Variants in PALM2AKAP2 observed in about 807,000 individuals in gnomAD.
PALM2AKAP2 encodes the protein PALM2-AKAP2 fusion protein.
PALM2AKAP2 carries 37 observed loss-of-function variants against 71.5 expected under a neutral mutation model. The ratio of observed to expected loss-of-function variants is 0.52; its 90% CI spans 0.40 to 0.68. The LOEUF is 0.68. Among genes scored for constraint, PALM2AKAP2 ranks in the 30% least tolerant of loss-of-function variants. The probability of loss-of-function intolerance (pLI) is 0.00; values close to 1 mark genes in which losing one functional copy is unlikely to be tolerated. For synonymous variants in PALM2AKAP2, 468 were observed against 478.8 expected, an observed-to-expected ratio of 0.98 and a Z score of 0.29; for missense variants, 1,224 against 1,191.8, an observed-to-expected ratio of 1.03 and a Z score of -0.40.
chr9:109,943,522 C>G (rs1831427801), intron 6 of PALM2AKAP2: 1 of 1,460,352 alleles, frequency 6.8e-7, no homozygotes, highest in African/African-American at 1.4e-5. Flanking sequence ...GAACTGGAAG[C>G]AAACACCTGC....
intron 6 of PALM2AKAP2, among the ~76,000 whole-genome samples, chr9:109,950,986 A>G (rs1330384024): frequency 6.6e-6 from 1 of 152,248 alleles, no homozygotes; most frequent in Non-Finnish European, 1.5e-5. Context: ...ACTATTCTGT[A>G]TGTAGCTCCA....
intron 1 of PALM2AKAP2, among the ~76,000 whole-genome samples, chr9:109,671,065 TA>T (rs1191815879): frequency 1.4e-4 from 22 of 152,298 alleles, no homozygotes; most frequent in African/African-American, 5.1e-4. Flanking sequence ...TCTGATTCTT[TA>T]GGTTGTCTGT....
intron 1 of PALM2AKAP2, among the ~76,000 whole-genome samples, chr9:109,754,841 T>C (rs550924054): frequency 1.3e-5 from 2 of 152,226 alleles, no homozygotes; most frequent in Non-Finnish European, 2.9e-5. Context: ...ACCATTACAT[T>C]AGGGATTAGG....
At chr9:110,146,499 ACT>A (rs1297420581) in intron 2 of PALM2AKAP2, among the ~76,000 whole-genome samples, 1 of 152,182 alleles carries the variant, frequency 6.6e-6, no homozygotes, top group East Asian at 1.9e-4. Context: ...GAGGAATCAG[ACT>A]CAGCCATGCA....
chr9:110,091,409 T>C (rs1029751557), intron 1 of PALM2AKAP2, among the ~76,000 whole-genome samples: 32 of 151,156 alleles, frequency 2.1e-4, no homozygotes, highest in African/African-American at 7.8e-4. Context: ...TTGGGGTGTG[T>C]GTGTGTGTGT....
At chr9:110,062,211 A>G (rs12003917) in intron 1 of PALM2AKAP2, among the ~76,000 whole-genome samples, 2,784 of 152,266 alleles carry the variant, frequency 0.018, 87 homozygotes, top group African/African-American at 0.064. Context: ...ATTAAGCCCT[A>G]CATGCATTAG....
intron 6 of PALM2AKAP2, among the ~76,000 whole-genome samples, chr9:109,939,293 C>T (rs1051829083): frequency 1.3e-5 from 2 of 152,144 alleles, no homozygotes; most frequent in Admixed American, 1.3e-4. Context: ...CTCCTTTCTT[C>T]CAGGCTCTGA....
intron 7 of PALM2AKAP2, among the ~76,000 whole-genome samples, chr9:110,037,101 T>C (rs1833424143): frequency 6.6e-6 from 1 of 152,202 alleles, no homozygotes; most frequent in Admixed American, 6.5e-5. Context: ...GACATTCTTC[T>C]CTTGCTTATT....
At chr9:110,140,846 C>G (rs1395608646) in intron 2 of PALM2AKAP2, among the ~76,000 whole-genome samples, 1 of 152,110 alleles carries the variant, frequency 6.6e-6, no homozygotes, top group East Asian at 1.9e-4. Flanking sequence ...TCAGCCTGGC[C>G]TAGTGACTTT....
intron 6 of PALM2AKAP2, among the ~76,000 whole-genome samples, chr9:109,984,884 T>A (rs1256980697): frequency 2.0e-5 from 3 of 149,556 alleles, no homozygotes; most frequent in Non-Finnish European, 4.5e-5. Context: ...TAGAAAAAAA[T>A]TTTAAAAAGG....
chr9:110,038,060 G>C (rs535401467), intron 7 of PALM2AKAP2, among the ~76,000 whole-genome samples: 1 of 152,290 alleles, frequency 6.6e-6, no homozygotes, highest in South Asian at 2.1e-4. Flanking sequence ...AGTGAGACTG[G>C]GCACAGTCGC....
At chr9:110,118,523 C>T (rs564648418) in intron 1 of PALM2AKAP2, among the ~76,000 whole-genome samples, 1 of 152,292 alleles carries the variant, frequency 6.6e-6, no homozygotes, top group African/African-American at 2.4e-5. Flanking sequence ...GCTGGGATTA[C>T]AGGTATCAGC....
intron 1 of PALM2AKAP2, among the ~76,000 whole-genome samples, chr9:110,054,357 C>G (rs1833785615): frequency 6.6e-6 from 1 of 151,980 alleles, no homozygotes; most frequent in Non-Finnish European, 1.5e-5. Flanking sequence ...CGACATGGTG[C>G]CATTGCACTC....
chr9:110,102,945 A>C (rs114279608), intron 1 of PALM2AKAP2, among the ~76,000 whole-genome samples: 1,890 of 152,134 alleles, frequency 0.012, 31 homozygotes, highest in African/African-American at 0.042. Context: ...TTCAGCTTCA[A>C]TTGCTAATTG....
At chr9:109,724,099 A>T (rs147404054) in intron 1 of PALM2AKAP2, among the ~76,000 whole-genome samples, 1 of 152,340 alleles carries the variant, frequency 6.6e-6, no homozygotes, top group East Asian at 1.9e-4. Flanking sequence ...GAACACACAG[A>T]CATCATCTCT....
At chr9:109,666,469 T>C (rs1336026172) in intron 1 of PALM2AKAP2, among the ~76,000 whole-genome samples, 1 of 152,216 alleles carries the variant, frequency 6.6e-6, no homozygotes, top group Non-Finnish European at 1.5e-5. Flanking sequence ...CCCAGGTGAA[T>C]GAATGAAAAT....
At chr9:109,876,239 C>G (rs1053086376) in intron 2 of PALM2AKAP2, among the ~76,000 whole-genome samples, 2 of 151,892 alleles carry the variant, frequency 1.3e-5, no homozygotes, top group African/African-American at 4.8e-5. Flanking sequence ...TATAGGGGAC[C>G]CTGTGCTTTG....
intron 5 of PALM2AKAP2, among the ~76,000 whole-genome samples, chr9:109,929,092 A>G (rs989654196): frequency 9.2e-5 from 14 of 151,932 alleles, no homozygotes; most frequent in African/African-American, 2.7e-4. Context: ...GCAGGGAGCT[A>G]TCTCCTGGAG....
chr9:109,707,869 C>T (rs758591882), intron 1 of PALM2AKAP2, among the ~76,000 whole-genome samples: 2 of 152,230 alleles, frequency 1.3e-5, no homozygotes, highest in South Asian at 4.1e-4. Flanking sequence ...ATCTCATAAT[C>T]GCATAGTGGC....
Sources: gnomAD v4.1 joint callset for allele counts (sites outside exome capture counted in the v4.1 genomes callset) on GRCh38, gnomAD v4.1.1 for gene constraint, MANE v1.5 for transcripts, NCBI Gene and HGNC (gene_info 2026-07-23, HGNC 2026-07-21) for gene names.